The following WSCD2 variants were observed in gnomAD, a reference collection of about 807,000 sequenced individuals.
WSCD2 encodes WSC domain sialate O sulfotransferase 2.
WSCD2 carries 28 observed loss-of-function variants against 55.7 expected under a neutral mutation model. That is an observed-to-expected ratio of 0.50 (90% confidence interval 0.37 to 0.69). The LOEUF (loss-of-function observed/expected upper bound fraction) is 0.69, where lower values mean the gene tolerates loss of function less well. WSCD2 is among the 30% of genes least tolerant of loss of function. The pLI is 0.00. For synonymous variants in WSCD2, 301 were observed against 301.9 expected (o/e 1.00, Z 0.03); for missense variants, 616 against 762.1 (o/e 0.81, Z 2.26).
intron 1 of WSCD2, among the ~76,000 whole-genome samples, chr12:108,187,768 G>T (rs924685140): frequency 2.6e-5 from 4 of 152,166 alleles, no homozygotes; most frequent in African/African-American, 9.7e-5. Flanking sequence ...GCTCTATTTT[G>T]CAGGTGAGAA....
At chr12:108,242,324 T>C (rs1036707046) in intron 8 of WSCD2, among the ~76,000 whole-genome samples, 14 of 152,228 alleles carry the variant, frequency 9.2e-5, no homozygotes, top group African/African-American at 3.4e-4. Flanking sequence ...GTGACATTTG[T>C]CCAGTTATTC....
intron 1 of WSCD2, among the ~76,000 whole-genome samples, chr12:108,179,443 C>T (rs1268151052): frequency 6.6e-6 from 1 of 152,236 alleles, no homozygotes; most frequent in Non-Finnish European, 1.5e-5. Context: ...CATAAAACTG[C>T]AGCAAGCACG....
intron 2 of WSCD2, among the ~76,000 whole-genome samples, chr12:108,197,690 C>A (rs1229659057): frequency 1.3e-5 from 2 of 151,940 alleles, no homozygotes; most frequent in African/African-American, 2.4e-5. Context: ...AAGTGCTACA[C>A]CCCAGCCACT....
intron 6 of WSCD2, among the ~76,000 whole-genome samples, chr12:108,231,975 G>C (rs1888807569): frequency 6.6e-6 from 1 of 152,206 alleles, no homozygotes; most frequent in Non-Finnish European, 1.5e-5. Flanking sequence ...ATTCAACTGA[G>C]AGCTGAAGAA....
intron 2 of WSCD2, among the ~76,000 whole-genome samples, chr12:108,202,634 T>C (rs1377376992): frequency 1.3e-5 from 2 of 152,172 alleles, no homozygotes; most frequent in African/African-American, 4.8e-5. Context: ...TTCTCACTTA[T>C]AAGTGGGAGC....
intron 4 of WSCD2, among the ~76,000 whole-genome samples, chr12:108,211,494 C>G (rs976891860): frequency 1.3e-4 from 20 of 152,148 alleles, no homozygotes; most frequent in African/African-American, 4.3e-4. Context: ...AGAATGTAGT[C>G]CTGCCCACCC....
chr12:108,226,437 T>A (rs1048126320), intron 5 of WSCD2, among the ~76,000 whole-genome samples: 4 of 152,028 alleles, frequency 2.6e-5, no homozygotes, highest in African/African-American at 9.7e-5. Flanking sequence ...CATATCACCA[T>A]CTCATCAAGG....
chr12:108,206,456 T>C (rs1489489060), intron 3 of WSCD2, 53 bp downstream of exon 3: 33 of 1,566,082 alleles, frequency 2.1e-5, no homozygotes, highest in Non-Finnish European at 2.9e-5. Context: ...CTTCTCAGAT[T>C]CCCACCTGTG....
chr12:108,214,542 C>A (rs1247560578), intron 4 of WSCD2, among the ~76,000 whole-genome samples: 1 of 152,168 alleles, frequency 6.6e-6, no homozygotes, highest in Non-Finnish European at 1.5e-5. Context: ...GCTCTCCTCC[C>A]AGGGATAGAG....
chr12:108,143,632 T>A (rs1043339662), intron 1 of WSCD2, among the ~76,000 whole-genome samples: 2 of 152,114 alleles, frequency 1.3e-5, no homozygotes, highest in African/African-American at 4.8e-5. Flanking sequence ...TTATGACTGA[T>A]GTTACAATTG....
chr12:108,190,222 TATTTTTATTATTA>T (rs2137029032), intron 1 of WSCD2, among the ~76,000 whole-genome samples: 1 of 152,330 alleles, frequency 6.6e-6, no homozygotes, highest in Non-Finnish European at 1.5e-5. Context: ...TGACTTCTGA[TATTTTTATTATTA>T]GAACAAGACT....
intron 1 of WSCD2, among the ~76,000 whole-genome samples, chr12:108,132,261 G>C (rs1875635416): frequency 6.6e-6 from 1 of 152,192 alleles, no homozygotes; most frequent in African/African-American, 2.4e-5. Flanking sequence ...CAATTCCACT[G>C]TGTGCTTGCT....
intron 1 of WSCD2, among the ~76,000 whole-genome samples, chr12:108,133,792 A>G (rs1875876015): frequency 6.6e-6 from 1 of 152,082 alleles, no homozygotes; most frequent in Non-Finnish European, 1.5e-5. Flanking sequence ...CTGTCTTGCC[A>G]GAAGCTTCTA....
intron 1 of WSCD2, among the ~76,000 whole-genome samples, chr12:108,130,261 G>T (rs11113750): frequency 0.19 from 28,968 of 152,184 alleles, 2,953 homozygotes; most frequent in Non-Finnish European, 0.22. Context: ...AGTGGGCCCC[G>T]TAAATTTGAT....
intron 2 of WSCD2, among the ~76,000 whole-genome samples, chr12:108,206,074 G>A (rs1252385412): frequency 1.3e-5 from 2 of 152,216 alleles, no homozygotes; most frequent in African/African-American, 4.8e-5. Flanking sequence ...GCAGCCCACA[G>A]AAGGCTTCAC....
At chr12:108,237,371 T>G (rs1030643959) in intron 7 of WSCD2, among the ~76,000 whole-genome samples, 7 of 152,210 alleles carry the variant, frequency 4.6e-5, no homozygotes, top group Admixed American at 3.3e-4. Context: ...GAGGGTCACA[T>G]GGGTGCCCAA....
At chr12:108,225,119 T>G (rs1347583474) in intron 5 of WSCD2, among the ~76,000 whole-genome samples, 1 of 152,222 alleles carries the variant, frequency 6.6e-6, no homozygotes, top group Admixed American at 6.5e-5. Context: ...ATTAGTCCAT[T>G]TTCATACTGA....
chr12:108,141,044 T>G (rs955343636), intron 1 of WSCD2, among the ~76,000 whole-genome samples: 2 of 152,222 alleles, frequency 1.3e-5, no homozygotes, highest in African/African-American at 4.8e-5. Context: ...TTTTCTTTTC[T>G]TTCTTTCTTT....
At chr12:108,160,775 A>C (rs1592907997) in intron 1 of WSCD2, among the ~76,000 whole-genome samples, 1 of 152,232 alleles carries the variant, frequency 6.6e-6, no homozygotes, top group African/African-American at 2.4e-5. Context: ...ATATTATGCT[A>C]TACTGTGTTG....
Sources: gnomAD v4.1 joint callset for allele counts (sites outside exome capture counted in the v4.1 genomes callset) on GRCh38, gnomAD v4.1.1 for gene constraint, MANE v1.5 for transcripts, NCBI Gene and HGNC (gene_info 2026-07-23, HGNC 2026-07-21) for gene names.